The following LONP2 variants were observed in gnomAD, a reference collection of about 807,000 sequenced individuals.
LONP2 encodes the protein lon protease homolog 2, peroxisomal.
In LONP2, 60 loss-of-function variants were observed where a neutral mutation model predicts 85.6. That is an observed-to-expected ratio of 0.70 (90% CI 0.57 to 0.87). LONP2 has a LOEUF of 0.87. Among genes scored for constraint, LONP2 ranks in the 40% least tolerant of loss-of-function variants. The pLI is 0.00. For missense variants in LONP2, 860 were observed against 1,063.5 expected, an observed-to-expected ratio of 0.81 and a Z score of 2.66; for synonymous variants, 395 against 389.7, an observed-to-expected ratio of 1.01 and a Z score of -0.16.
chr16:48,362,616 G>A lies in LONP2; in HGVS notation c.*753G>A. On this transcript the variant is annotated 3_prime_UTR_variant, in exon 5 of 5. Coordinates refer to the LONP2 transcript ENST00000565867. This position sits in a 1 kb window ranked among gnomAD's most constrained non-coding sequence, Gnocchi z 4.2. ...ATTACACTGAATGTGCACTTTATTAGGATCTGTACACTGGATAAGCTCTCT... is the reference window on the plus strand; with the variant it reads ...ATTACACTGAATGTGCACTTTATTAAGATCTGTACACTGGATAAGCTCTCT... 1.6e-6 allele frequency: 1 copy of A among 609,152 alleles called. No homozygotes were observed. Among genetic ancestry groups the A allele is most frequent in the Admixed American group, 3.1e-5 (1 of 32,286 alleles). 37.7% of individuals were successfully genotyped at this position (609,152 alleles called of 1,614,324 possible).
intron 6 of LONP2, among the ~76,000 whole-genome samples, chr16:48,264,822 A>C (rs1169109339): frequency 6.6e-6 from 1 of 152,228 alleles, no homozygotes; most frequent in Non-Finnish European, 1.5e-5. Flanking sequence ...TTCTTCTGCC[A>C]TGGCTTCAGC....
intron 8 of LONP2, among the ~76,000 whole-genome samples, chr16:48,293,509 T>G (rs1972601784): frequency 6.6e-6 from 1 of 152,178 alleles, no homozygotes; most frequent in South Asian, 2.1e-4. Flanking sequence ...AAGGATTACT[T>G]TATTCAAGGT....
intron 11 of LONP2, among the ~76,000 whole-genome samples, chr16:48,303,664 C>T (rs564600961): frequency 6.6e-6 from 1 of 152,230 alleles, no homozygotes; most frequent in East Asian, 1.9e-4. Flanking sequence ...AGGCCATCTG[C>T]AGGCCGAGGA....
At chr16:48,257,751 G>A (rs1971789388) in intron 3 of LONP2, among the ~76,000 whole-genome samples, 1 of 152,132 alleles carries the variant, frequency 6.6e-6, no homozygotes. Flanking sequence ...ACACAAACAG[G>A]TTGGTTATAC....
At chr16:48,343,473 T>C (rs1597001383) in intron 12 of LONP2, among the ~76,000 whole-genome samples, 1 of 151,770 alleles carries the variant, frequency 6.6e-6, no homozygotes, top group East Asian at 1.9e-4. Context: ...CTGAGGCAGG[T>C]GGATCATGAG....
At position 48,251,756 on chromosome 16, in the gene LONP2, G is replaced by A. The variant is rs531200266; in HGVS notation, c.234-375G>A. Among the ~76,000 whole-genome samples the A allele has an allele frequency of 1.1e-3, 168 of 152,308 alleles. 1 individual carries two copies. Among genetic ancestry groups the A allele is most frequent in the Admixed American group, 2.3e-3 (35 of 15,302 alleles). ...TGGTTTATGCTATTTATATTTAAAT[G>A]TATTTAAATTGATAATATTTATCCT... On this transcript the variant is annotated intron_variant, in intron 1 of 14. Transcript: ENST00000285737.
Position 48,362,574 on chromosome 16 carries a change from G to C in LONP2, c.*711G>C, listed in dbSNP as rs1354904775. On this transcript the variant is annotated 3_prime_UTR_variant, in exon 5 of 5. Transcript: ENST00000565867. The surrounding 1 kb of genome is among the most constrained non-coding windows in gnomAD (Gnocchi z 4.2). Reference sequence around the variant, plus strand: ...GAGGAAGAAAAATAGGATTAAAAAAGATATTAAAAAAATAAAATTACACTG... The same window carrying C: ...GAGGAAGAAAAATAGGATTAAAAAACATATTAAAAAAATAAAATTACACTG... 2 of 788,154 alleles carry C rather than the reference G, an allele frequency of 2.5e-6. No homozygotes were observed. The highest frequency in any genetic ancestry group is 2.7e-5 in the East Asian group (1 of 36,848). 48.8% of individuals were successfully genotyped at this position (788,154 alleles called of 1,614,324 possible).
chr16:48,361,038 AG>A, downstream of LONP2: 1 of 152,664 alleles, frequency 6.6e-6, no homozygotes, highest in East Asian at 1.9e-4. Flanking sequence ...GTACAAAAAA[AG>A]GAAAAACCTG....
At chr16:48,351,452 A>C in intron 14 of LONP2, 129 bp from the exon 15 acceptor site, 1 of 715,248 alleles carries the variant, frequency 1.4e-6, no homozygotes, top group Non-Finnish European at 2.3e-6. Flanking sequence ...CTCATGCTAT[A>C]ACAAAACGGA....
intron 11 of LONP2, among the ~76,000 whole-genome samples, chr16:48,331,908 A>G (rs1454102416): frequency 6.6e-6 from 1 of 152,224 alleles, no homozygotes; most frequent in Admixed American, 6.5e-5. Context: ...AGAGAGAGGT[A>G]GTGAGAGGTT....
intron 11 of LONP2, among the ~76,000 whole-genome samples, chr16:48,326,860 T>C (rs1959250993): frequency 6.6e-6 from 1 of 152,226 alleles, no homozygotes; most frequent in African/African-American, 2.4e-5. Context: ...TGGGCCTGTT[T>C]TCATTGAAAT....
intron 12 of LONP2, among the ~76,000 whole-genome samples, chr16:48,339,120 T>C (rs935679398): frequency 3.9e-5 from 6 of 152,052 alleles, no homozygotes; most frequent in African/African-American, 1.5e-4. Context: ...AAGCAAGCCC[T>C]GAAGAACAGC....
At chr16:48,311,509 T>C (rs1973031135) in intron 11 of LONP2, among the ~76,000 whole-genome samples, 1 of 152,066 alleles carries the variant, frequency 6.6e-6, no homozygotes. Flanking sequence ...GGAGTTCTGT[T>C]TGGTTTTCTT....
In LONP2 at chr16:48,284,506, A is replaced by G. The variant is rs182898664; in HGVS notation, c.1383+7027A>G. On this transcript the variant is annotated intron_variant, in intron 8 of 14. Transcript: ENST00000285737. ...CCACCTGATCAGTCATCAACCATTAATATTGAGACAAGACACTCCACCAGC... is the reference window on the plus strand; with the variant it reads ...CCACCTGATCAGTCATCAACCATTAGTATTGAGACAAGACACTCCACCAGC... 4.4e-3 allele frequency among the ~76,000 whole-genome samples: 666 copies of G among 152,326 alleles called. 7 individuals carry two copies. Among genetic ancestry groups the G allele is most frequent in the African/African-American group, 0.015 (637 of 41,564 alleles).
chr16:48,361,155 G>A (rs2151043182), downstream of LONP2: 1 of 167,660 alleles, frequency 6.0e-6, no homozygotes, highest in African/African-American at 2.4e-5. Flanking sequence ...ACTCACAAAG[G>A]GAAAAGCAGT....
rs2150999297 is a variant in LONP2, at chr16:48,299,684, A to G, written c.1557A>G (p.Ile519Met). 6.2e-7 allele frequency: 1 copy of G among 1,613,728 alleles called. No homozygotes were observed. The highest frequency in any genetic ancestry group is 2.2e-5 in the East Asian group (1 of 44,864). ...QVPGYTQEEK[I>M]EIAHRHLIPK... Reference sequence around the variant, plus strand: ...CAGGTTATACACAGGAGGAGAAGATAGAGATTGCCCATAGGCACTTGATCC... The same window carrying G: ...CAGGTTATACACAGGAGGAGAAGATGGAGATTGCCCATAGGCACTTGATCC... The change falls in exon 10 of 15, where the codon ATA becomes ATG. Residue 519 changes from isoleucine (I) to methionine (M), a missense_variant. Coordinates refer to ENST00000285737, the MANE Select transcript of LONP2 (RefSeq NM_031490.5).
intron 12 of LONP2, chr16:48,336,319 G>A: frequency 2.2e-6 from 1 of 455,942 alleles, no homozygotes; most frequent in Non-Finnish European, 4.4e-6. Flanking sequence ...TGTAGCATGT[G>A]AGCTTTAACA....
chr16:48,289,383 G>A (rs1016063143), intron 8 of LONP2, among the ~76,000 whole-genome samples: 1 of 152,136 alleles, frequency 6.6e-6, no homozygotes, highest in Non-Finnish European at 1.5e-5. Context: ...CTCTGGAGAG[G>A]GCTTCCAGGT....
downstream of LONP2, chr16:48,361,336 A>G: frequency 4.8e-6 from 2 of 416,246 alleles, no homozygotes; most frequent in Non-Finnish European, 8.7e-6. Context: ...TCTTAATACA[A>G]AAGATGCCCA....
Sources: allele counts gnomAD v4.1 joint callset (sites outside exome capture counted in the v4.1 genomes callset), GRCh38; gene constraint gnomAD v4.1.1; non-coding constraint Gnocchi (gnomAD v3.1); transcripts MANE v1.5; gene names NCBI Gene and HGNC (gene_info 2026-07-23, HGNC 2026-07-21).